Variants in SCHIP1 observed in about 807,000 individuals in gnomAD.
SCHIP1 encodes schwannomin interacting protein 1.
Under a neutral mutation model 29.7 loss-of-function variants are expected in SCHIP1, and 8 were observed. The observed-to-expected ratio is 0.27, with a 90% CI of 0.16 to 0.49. SCHIP1 has a LOEUF of 0.49. SCHIP1 is among the 20% of genes least tolerant of loss of function. SCHIP1 has a pLI of 0.99. For missense variants in SCHIP1, 193 were observed against 294.6 expected, an observed-to-expected ratio of 0.66 and a Z score of 2.52; for synonymous variants, 76 against 94.9, an observed-to-expected ratio of 0.80 and a Z score of 1.16.
At chr3:159,540,436 T>G in the SCHIP1 span, among the ~76,000 whole-genome samples, 1 of 152,066 alleles carries the variant, frequency 6.6e-6, no homozygotes, top group Admixed American at 6.6e-5. Flanking sequence ...ATAAAAATAT[T>G]TTCAACATAT....
chr3:159,294,966 A>G, the SCHIP1 span, among the ~76,000 whole-genome samples: 1 of 151,982 alleles, frequency 6.6e-6, no homozygotes, highest in African/African-American at 2.4e-5. Flanking sequence ...AAGGTAGTTT[A>G]CTCCTGAGTC....
At chr3:159,392,127 G>A in the SCHIP1 span, among the ~76,000 whole-genome samples, 1 of 152,064 alleles carries the variant, frequency 6.6e-6, no homozygotes, top group Non-Finnish European at 1.5e-5. Context: ...CTCAGAGTTG[G>A]CAAACATCCC....
chr3:159,364,652 T>C, the SCHIP1 span, among the ~76,000 whole-genome samples: 1 of 152,328 alleles, frequency 6.6e-6, no homozygotes, highest in East Asian at 1.9e-4. Context: ...TGTGGTTTGA[T>C]TGAATGTCAC....
the SCHIP1 span, among the ~76,000 whole-genome samples, chr3:159,401,957 G>A: frequency 2.0e-5 from 3 of 152,076 alleles, no homozygotes; most frequent in African/African-American, 7.2e-5. Flanking sequence ...GAGAGCTTCT[G>A]CACAGCAAAA....
At chr3:159,488,219 T>G in the SCHIP1 span, among the ~76,000 whole-genome samples, 7 of 151,944 alleles carry the variant, frequency 4.6e-5, no homozygotes, top group Non-Finnish European at 1.0e-4. Context: ...GTGGGGATGG[T>G]TAATGGACAC....
the SCHIP1 span, among the ~76,000 whole-genome samples, chr3:159,345,702 C>T: frequency 6.6e-6 from 1 of 152,016 alleles, no homozygotes; most frequent in Non-Finnish European, 1.5e-5. Flanking sequence ...TTTTATTCTC[C>T]CTGATGGCAC....
chr3:159,866,375 G>GTT, intron 2 of SCHIP1, 94 bp downstream of exon 3: 4 of 1,231,578 alleles, frequency 3.2e-6, no homozygotes, highest in Non-Finnish European at 4.5e-6. Flanking sequence ...ATCTTCTGTA[G>GTT]TTTTTTTTTC....
chr3:159,866,223 G>A, exon 2 of SCHIP1: 1 of 1,613,732 alleles, frequency 6.2e-7, no homozygotes, highest in Non-Finnish European at 8.5e-7. Context: ...CTTCTTTGAT[G>A]ATGGCCCAGG....
the SCHIP1 span, among the ~76,000 whole-genome samples, chr3:159,607,271 G>A: frequency 6.6e-6 from 1 of 152,010 alleles, no homozygotes; most frequent in Non-Finnish European, 1.5e-5. Context: ...TCCAATAATT[G>A]TTTACACACC....
chr3:159,313,857 A>G, the SCHIP1 span, among the ~76,000 whole-genome samples: 4 of 152,152 alleles, frequency 2.6e-5, no homozygotes, highest in Non-Finnish European at 5.9e-5. Context: ...TTTGAAGAAT[A>G]CTATCAGGTA....
chr3:159,772,255 A>G, the SCHIP1 span, among the ~76,000 whole-genome samples: 1 of 152,080 alleles, frequency 6.6e-6, no homozygotes, highest in Non-Finnish European at 1.5e-5. Context: ...GTTTCAAGCA[A>G]TTCTCATGCC....
the SCHIP1 span, among the ~76,000 whole-genome samples, chr3:159,778,997 CA>C: frequency 1.3e-5 from 2 of 152,150 alleles, no homozygotes; most frequent in African/African-American, 2.4e-5. Context: ...CTCTGATATC[CA>C]GATTTTTTAT....
chr3:159,336,323 T>C, the SCHIP1 span, among the ~76,000 whole-genome samples: 1 of 152,210 alleles, frequency 6.6e-6, no homozygotes, highest in Non-Finnish European at 1.5e-5. Context: ...TAGTTTCTTT[T>C]GCTGTGCAGA....
chr3:159,468,777 A>ATATATTTTTT, the SCHIP1 span, among the ~76,000 whole-genome samples: 2 of 127,350 alleles, frequency 1.6e-5, no homozygotes, highest in African/African-American at 6.1e-5. Flanking sequence ...ATATATATAT[A>ATATATTTTTT]TTTTTTTTAG....
chr3:159,870,130 TG>T (rs1715095987), intron 2 of SCHIP1, among the ~76,000 whole-genome samples: 1 of 151,998 alleles, frequency 6.6e-6, no homozygotes, highest in Non-Finnish European at 1.5e-5. Flanking sequence ...TAAAGTTGTC[TG>T]TAGATTCCCT....
the SCHIP1 span, among the ~76,000 whole-genome samples, chr3:159,798,126 G>A: frequency 3.9e-5 from 6 of 152,120 alleles, no homozygotes; most frequent in African/African-American, 1.4e-4. Context: ...TCTAATACAG[G>A]AGCTCAGTTC....
chr3:159,528,169 T>C, the SCHIP1 span, among the ~76,000 whole-genome samples: 1 of 152,244 alleles, frequency 6.6e-6, no homozygotes, highest in African/African-American at 2.4e-5. Context: ...TTTAAATTCA[T>C]GCAGTCCTAT....
At chr3:159,748,930 A>G in the SCHIP1 span, among the ~76,000 whole-genome samples, 1 of 152,210 alleles carries the variant, frequency 6.6e-6, no homozygotes, top group South Asian at 2.1e-4. Flanking sequence ...ATAGTTACCA[A>G]TGAAAATGAT....
At chr3:159,518,050 A>G in the SCHIP1 span, among the ~76,000 whole-genome samples, 1 of 152,306 alleles carries the variant, frequency 6.6e-6, no homozygotes, top group African/African-American at 2.4e-5. Flanking sequence ...AATTGTATAC[A>G]ACTGCAAAAA....
Sources: allele counts gnomAD v4.1 joint callset (sites outside exome capture counted in the v4.1 genomes callset), GRCh38; gene constraint gnomAD v4.1.1; transcripts MANE v1.5; gene names NCBI Gene and HGNC (gene_info 2026-07-23, HGNC 2026-07-21).